Variants in SUPT6H observed in about 807,000 individuals in gnomAD.
SUPT6H encodes transcription elongation factor SPT6.
In SUPT6H, 11 loss-of-function variants were observed where a neutral mutation model predicts 222.3. The observed-to-expected ratio is 0.05, with a 90% CI of 0.03 to 0.08. The LOEUF (loss-of-function observed/expected upper bound fraction) is 0.08. SUPT6H is among the 10% of genes least tolerant of loss of function. The pLI is 1.00. For synonymous variants in SUPT6H, 762 were observed against 801.2 expected (o/e 0.95, Z 0.83); for missense variants, 1,422 against 2,216.0 (o/e 0.64, Z 7.19).
At chr17:28,697,783 G>C in intron 31 of SUPT6H, 50 bp downstream of exon 31, 1 of 1,610,136 alleles carries the variant, frequency 6.2e-7, no homozygotes, top group Non-Finnish European at 8.5e-7. Flanking sequence ...ACTTAAGGAT[G>C]TACGCTTTCC....
In SUPT6H at chr17:28,690,961, G is replaced by A. The variant is rs777425400; in HGVS notation, c.3531G>A (p.Arg1177=). Residue 1177 remains arginine, a synonymous_variant, in exon 27 of 37, where the codon AGG becomes AGA. Coordinates refer to ENST00000314616, the MANE Select transcript of SUPT6H (RefSeq NM_003170.5). The part of the protein sequence containing the change: ...IICNVTGIAH[R]RPQGESYDQA... ...GCAATGTCACTGGCATTGCCCACAGGCGTCCCCAGGGTGAGAGCTATGACC... is the reference window on the plus strand; with the variant it reads ...GCAATGTCACTGGCATTGCCCACAGACGTCCCCAGGGTGAGAGCTATGACC... 2 of 1,613,966 alleles carry A rather than the reference G, an allele frequency of 1.2e-6. No individual in the cohort carries two copies. Among genetic ancestry groups the A allele is most frequent in the Admixed American group, 3.3e-5 (2 of 60,022 alleles).
At position 28,674,523 on chromosome 17, in the gene SUPT6H, CTT is replaced by C. The variant is rs750879831; in HGVS notation, c.269-12_269-11del. The C allele has an allele frequency of 1.9e-6, 3 of 1,614,128 alleles. No homozygotes were observed. Among genetic ancestry groups the C allele is most frequent in the Non-Finnish European group, 2.5e-6 (3 of 1,180,030 alleles). On this transcript the variant is annotated splice_polypyrimidine_tract_variant and intron_variant, in intron 3 of 36. Transcript: ENST00000314616. Reference sequence around the variant, plus strand: ...GGCAACCCCATCACCATGGGCAACACTTTGTTTCTTCAGCCTCTTTTGATGAC... The same window carrying C: ...GGCAACCCCATCACCATGGGCAACACTGTTTCTTCAGCCTCTTTTGATGAC...
intron 3 of SUPT6H, 40 bp downstream of exon 3, chr17:28,674,481 A>T (rs2030616925): frequency 6.2e-7 from 1 of 1,614,172 alleles, no homozygotes; most frequent in Non-Finnish European, 8.5e-7. Flanking sequence ...GCTTGGGTGG[A>T]GGTTGCAGTG....
chr17:28,700,459 G>C lies in SUPT6H; in HGVS notation c.4753G>C (p.Ala1585Pro), dbSNP rs750942194. Reference protein sequence around the residue: ...QNPNATPAQWASSQYGYGGSG... With the variant: ...QNPNATPAQWPSSQYGYGGSG... The stretch of plus-strand genomic sequence containing the variant: ...CCCTAATGCCACCCCAGCCCAGTGG[G>C]CCTCCAGCCAGTACGGCTATGGCGG... The change falls in exon 35 of 37, where the codon GCC becomes CCC. Residue 1585 changes from alanine (A) to proline (P), a missense_variant. Physicochemically the swap from Ala to Pro is conservative, Grantham distance 27. Coordinates refer to ENST00000314616, the MANE Select transcript of SUPT6H (RefSeq NM_003170.5). 1.9e-6 allele frequency: 3 copies of C among 1,614,182 alleles called. No homozygotes were observed. Among genetic ancestry groups the C allele is most frequent in the Non-Finnish European group, 2.5e-6 (3 of 1,180,032 alleles).
chr17:28,690,543 G>A (rs547334026), intron 26 of SUPT6H, among the ~76,000 whole-genome samples: 11 of 152,192 alleles, frequency 7.2e-5, no homozygotes, highest in Non-Finnish European at 1.3e-4. Context: ...GGGAGGCCAG[G>A]GCAGGCAGAC....
chr17:28,680,761 C>T (rs1330332839), intron 11 of SUPT6H, among the ~76,000 whole-genome samples: 1 of 152,156 alleles, frequency 6.6e-6, no homozygotes, highest in Non-Finnish European at 1.5e-5. Context: ...ATACCATCTG[C>T]CTCAGCCTCC....
rs374754627 is a variant in SUPT6H, at chr17:28,683,897, G to A, written c.2229+81G>A. 1.8e-3 allele frequency: 2,365 copies of A among 1,314,648 alleles called. 8 individuals carry two copies. Among genetic ancestry groups the A allele is most frequent in the Middle Eastern group, 0.018 (64 of 3,654 alleles). 81.4% of individuals were successfully genotyped at this position (1,314,648 alleles called of 1,614,324 possible). On this transcript the variant is annotated intron_variant, in intron 17 of 36. Transcript: ENST00000314616. ...GTTGCCCAGGCTGGAGTGCAGTGGC[G>A]CAATCTTGGCTCACTGCAAGCTCTG...
At chr17:28,693,617 A>C in intron 27 of SUPT6H, 79 bp from the exon 28 acceptor site, 2 of 1,551,450 alleles carry the variant, frequency 1.3e-6, no homozygotes, top group East Asian at 4.5e-5. Flanking sequence ...AGAAATTACA[A>C]CACCTCTGGG....
chr17:28,695,561 C>T lies in SUPT6H; in HGVS notation c.3970+14C>T. ...AGCAGCGGACCAGTGAGTGTGCCTCCCACCATCTCTGTGCACCCTGCATCT... is the reference window on the plus strand; with the variant it reads ...AGCAGCGGACCAGTGAGTGTGCCTCTCACCATCTCTGTGCACCCTGCATCT... On this transcript the variant is annotated intron_variant, in intron 29 of 36. Transcript: ENST00000314616. The T allele has an allele frequency of 1.2e-6, 2 of 1,609,402 alleles. No individual in the cohort carries two copies. The highest frequency in any genetic ancestry group is 1.3e-5 in the African/African-American group (1 of 74,852).
chr17:28,676,471 T>TGGC, intron 7 of SUPT6H, 41 bp downstream of exon 7: 2 of 1,609,646 alleles, frequency 1.2e-6, no homozygotes, highest in South Asian at 2.2e-5. Context: ...CAATCCATAA[T>TGGC]TACCTTGTAG....
rs746505120 is a variant in SUPT6H, at chr17:28,673,475, G to A, written c.74G>A (p.Arg25Gln). 6.2e-6 allele frequency: 10 copies of A among 1,613,512 alleles called. No individual in the cohort carries two copies. Among genetic ancestry groups the A allele is most frequent in the Admixed American group, 1.7e-5 (1 of 60,008 alleles). The change falls in exon 2 of 37, where the codon CGA (arginine) becomes CAA (glutamine). Residue 25 changes from arginine (R) to glutamine (Q), a missense_variant. Physicochemically the swap from Arg to Gln is conservative, Grantham distance 43. This residue lies in a region of SUPT6H where 89 missense variants were observed against 118.9 expected (regional missense o/e 0.75). Transcript: ENST00000314616. ...AATGATGAAGGCGAGGTGGTACCCCGAGTCACCAAGAAATTTGTGGAAGAG... is the reference window on the plus strand; with the variant it reads ...AATGATGAAGGCGAGGTGGTACCCCAAGTCACCAAGAAATTTGTGGAAGAG... Reference protein sequence around the residue: ...EYNDEGEVVPRVTKKFVEEED... With the variant: ...EYNDEGEVVPQVTKKFVEEED...
At chr17:28,681,451 A>T in intron 12 of SUPT6H, 47 bp downstream of exon 12, 1 of 1,546,012 alleles carries the variant, frequency 6.5e-7, no homozygotes, top group African/African-American at 1.4e-5. Context: ...GCCATGCATG[A>T]TGGCTCACGC....
chr17:28,674,836 C>A, intron 4 of SUPT6H, 134 bp from the exon 5 acceptor site: 1 of 1,150,444 alleles, frequency 8.7e-7, no homozygotes, highest in Non-Finnish European at 1.2e-6. Flanking sequence ...GCTACAAGAG[C>A]ATCACTCGGC....
At chr17:28,685,472 C>CATTATTATTATTATT in intron 19 of SUPT6H, among the ~76,000 whole-genome samples, 1 of 144,394 alleles carries the variant, frequency 6.9e-6, no homozygotes, top group African/African-American at 2.5e-5. Context: ...TTATTATTAT[C>CATTATTATTATTATT]ATTATTATTA....
chr17:28,689,602 C>A, intron 25 of SUPT6H, 41 bp downstream of exon 25: 1 of 1,601,274 alleles, frequency 6.2e-7, no homozygotes. Flanking sequence ...GAACCCATCC[C>A]AAGTGGCCAG....
chr17:28,682,077 G>A (rs1325991316), intron 13 of SUPT6H, 97 bp downstream of exon 13: 17 of 968,528 alleles, frequency 1.8e-5, no homozygotes, highest in Non-Finnish European at 2.3e-5. Context: ...AAGGCTATCT[G>A]GGTCAATCAC....
At chr17:28,697,222 G>A (rs770162793) in intron 30 of SUPT6H, 140 bp downstream of exon 30, 157 of 674,532 alleles carry the variant, frequency 2.3e-4, no homozygotes, top group Non-Finnish European at 3.8e-4. Flanking sequence ...GGTGGTTTGC[G>A]GAATGAGTCA....
intron 11 of SUPT6H, among the ~76,000 whole-genome samples, chr17:28,679,269 A>G (rs1319615187): frequency 1.3e-5 from 2 of 152,128 alleles, no homozygotes; most frequent in Non-Finnish European, 2.9e-5. Context: ...GCTACTCAGG[A>G]GGCTGAGGCA....
chr17:28,677,902 TCCG>T, intron 8 of SUPT6H, 86 bp downstream of exon 8: 1 of 1,368,116 alleles, frequency 7.3e-7, no homozygotes, highest in South Asian at 1.2e-5. Context: ...ATTTCATACA[TCCG>T]TGTGCCTGGT....
Sources: gnomAD v4.1 joint callset for allele counts (sites outside exome capture counted in the v4.1 genomes callset) on GRCh38, gnomAD v4.1.1 for gene constraint, gnomAD v4.1.1 regional missense constraint, MANE v1.5 for transcripts, NCBI Gene and HGNC (gene_info 2026-07-23, HGNC 2026-07-21) for gene names.